Variants in SH3GL2 observed in about 807,000 individuals in gnomAD.
SH3GL2 encodes the protein SH3 domain containing GRB2 like 2, endophilin A1.
Under a neutral mutation model 46.0 loss-of-function variants are expected in SH3GL2, and 24 were observed. The observed-to-expected ratio is 0.52, with a 90% CI of 0.38 to 0.73. SH3GL2 has a LOEUF of 0.73. Among genes scored for constraint, SH3GL2 ranks in the 30% least tolerant of loss-of-function variants. SH3GL2 has a pLI of 0.00. For synonymous variants in SH3GL2, 196 were observed against 147.1 expected, an observed-to-expected ratio of 1.33 and a Z score of -2.40; for missense variants, 413 against 424.2, an observed-to-expected ratio of 0.97 and a Z score of 0.23.
At chr9:17,681,917 A>C (rs970934280) in intron 1 of SH3GL2, among the ~76,000 whole-genome samples, 1 of 152,198 alleles carries the variant, frequency 6.6e-6, no homozygotes. Flanking sequence ...AAAAGAAGAC[A>C]TGTGGCCAAC....
intron 1 of SH3GL2, among the ~76,000 whole-genome samples, chr9:17,738,641 T>TATATATATATATATATAGAG (rs376280314): frequency 4.5e-5 from 4 of 88,882 alleles, no homozygotes; most frequent in South Asian, 4.9e-4. Context: ...TATATATATA[T>TATATATATATATATATAGAG]AGAGAGAGAG....
intron 1 of SH3GL2, among the ~76,000 whole-genome samples, chr9:17,672,606 T>C (rs1271331706): frequency 8.5e-5 from 13 of 152,146 alleles, no homozygotes; most frequent in Admixed American, 8.5e-4. Context: ...AACAGAGCCA[T>C]GGTTTCTCTC....
At chr9:17,655,536 C>T (rs1820053662) in intron 1 of SH3GL2, among the ~76,000 whole-genome samples, 3 of 152,088 alleles carry the variant, frequency 2.0e-5, no homozygotes, top group African/African-American at 4.8e-5. Flanking sequence ...AGTCAGTTTT[C>T]GAAGTGAATT....
At chr9:17,685,986 A>G (rs1159805995) in intron 1 of SH3GL2, among the ~76,000 whole-genome samples, 1 of 146,220 alleles carries the variant, frequency 6.8e-6, no homozygotes, top group African/African-American at 2.6e-5. Context: ...AAAAGAAACT[A>G]CCATCAGAGT....
chr9:17,762,405 A>G (rs1823203170), intron 3 of SH3GL2, among the ~76,000 whole-genome samples: 1 of 151,718 alleles, frequency 6.6e-6, no homozygotes, highest in South Asian at 2.1e-4. Flanking sequence ...TGATCAAAAA[A>G]AAAAAAAAAA....
chr9:17,599,688 G>C (rs182316079), intron 1 of SH3GL2, among the ~76,000 whole-genome samples: 2 of 152,310 alleles, frequency 1.3e-5, no homozygotes, highest in African/African-American at 4.8e-5. Context: ...TTGGGGGACA[G>C]ATTCTAGCCA....
At chr9:17,719,680 C>A (rs1821844820) in intron 1 of SH3GL2, among the ~76,000 whole-genome samples, 1 of 151,410 alleles carries the variant, frequency 6.6e-6, no homozygotes, top group African/African-American at 2.4e-5. Context: ...GTGGTCCTGG[C>A]TATTTGGGAG....
At chr9:17,677,025 A>G (rs1205229544) in intron 1 of SH3GL2, among the ~76,000 whole-genome samples, 3 of 152,152 alleles carry the variant, frequency 2.0e-5, no homozygotes, top group East Asian at 1.9e-4. Context: ...AGAGGAGATC[A>G]TGGCCTGCCC....
At chr9:17,771,849 G>T (rs28649068) in intron 3 of SH3GL2, among the ~76,000 whole-genome samples, 1 of 152,060 alleles carries the variant, frequency 6.6e-6, no homozygotes, top group Non-Finnish European at 1.5e-5. Flanking sequence ...CCATTATTTG[G>T]GTTGAGAGTA....
chr9:17,795,364 A>G (rs1240697926), intron 8 of SH3GL2, among the ~76,000 whole-genome samples, 180 bp from the exon 9 acceptor site: 2 of 152,236 alleles, frequency 1.3e-5, no homozygotes, highest in African/African-American at 2.4e-5. Context: ...GTAGAGGGCA[A>G]GATGCCCAGT....
intron 1 of SH3GL2, among the ~76,000 whole-genome samples, chr9:17,686,544 G>A (rs1378029068): frequency 6.8e-6 from 1 of 147,962 alleles, no homozygotes; most frequent in African/African-American, 2.5e-5. Flanking sequence ...CAACCCAAAT[G>A]TCCAACAATG....
chr9:17,665,759 G>A (rs1382932830), intron 1 of SH3GL2, among the ~76,000 whole-genome samples: 3 of 151,470 alleles, frequency 2.0e-5, no homozygotes, highest in East Asian at 1.9e-4. Context: ...TGGTGTTCAG[G>A]TCTTGGTGCT....
rs1467395213 is a variant in SH3GL2 at position 17,796,850 on chromosome 9, CCTTT to C, written c.*1110_*1113del. The C allele has an allele frequency of 6.6e-6, 1 of 152,550 alleles. No homozygotes were observed. The highest frequency in any genetic ancestry group is 2.4e-5 in the African/African-American group (1 of 41,430). 9.4% of individuals were successfully genotyped at this position (152,550 alleles called of 1,614,324 possible). ...ATTCAGTCGCTACTTTTACTTCTGC[CCTTT>C]CTATCCATCGTCTTCATTTTGTGTG... On this transcript the variant is annotated 3_prime_UTR_variant, in exon 9 of 9. Transcript: ENST00000380607.
chr9:17,681,598 A>T (rs202100370), intron 1 of SH3GL2, among the ~76,000 whole-genome samples: 1 of 151,662 alleles, frequency 6.6e-6, no homozygotes, highest in African/African-American at 2.4e-5. Context: ...ATCATGAAAA[A>T]CCTAGAAGAA....
At chr9:17,753,100 G>A (rs1822894657) in intron 2 of SH3GL2, among the ~76,000 whole-genome samples, 1 of 152,146 alleles carries the variant, frequency 6.6e-6, no homozygotes, top group South Asian at 2.1e-4. Context: ...TCTTTATCCA[G>A]TCTCTCACTG....
At chr9:17,676,316 A>G (rs1014874634) in intron 1 of SH3GL2, among the ~76,000 whole-genome samples, 7 of 152,150 alleles carry the variant, frequency 4.6e-5, no homozygotes, top group African/African-American at 1.2e-4. Flanking sequence ...TGTAAAAAGT[A>G]TATCACAGGC....
rs3837228 is a variant in SH3GL2 at position 17,709,680 on chromosome 9, TACACACACACACACACAC to T, written c.46-37369_46-37352del. Among the ~76,000 whole-genome samples, 3 of 148,276 alleles carry T rather than the reference TACACACACACACACACAC, an allele frequency of 2.0e-5. No individual in the cohort carries two copies. The East Asian group carries it at 6.0e-4, about 29-fold the overall frequency. Reference sequence around the variant, plus strand: ...TATATATAGTTTAACTTATTTGTATTACACACACACACACACACACACACACACACACACGTTTAACCT... The same window carrying T: ...TATATATAGTTTAACTTATTTGTATTACACACACACACACACGTTTAACCT... On this transcript the variant is annotated intron_variant, in intron 1 of 8. Transcript: ENST00000380607.
intron 1 of SH3GL2, among the ~76,000 whole-genome samples, chr9:17,738,619 T>C (rs10963242): frequency 0.94 from 114,648 of 121,366 alleles, 54,374 homozygotes; most frequent in East Asian, 0.99. Flanking sequence ...AATTGCCTCA[T>C]GTGATTTTAT....
At position 17,796,555 on chromosome 9, in the gene SH3GL2, G is replaced by C. The variant is rs1824278162; in HGVS notation, c.*812G>C. On this transcript the variant is annotated 3_prime_UTR_variant, in exon 9 of 9. Transcript: ENST00000380607. ...GGCTATTTCTGAAGGGCACAGGGAAGGGGGAACAAATATCTTCACTTCAGT... is the reference window on the plus strand; with the variant it reads ...GGCTATTTCTGAAGGGCACAGGGAACGGGGAACAAATATCTTCACTTCAGT... 1 of 152,098 alleles carries C rather than the reference G, an allele frequency of 6.6e-6. No homozygotes were observed. Among genetic ancestry groups the C allele is most frequent in the African/African-American group, 2.4e-5 (1 of 41,456 alleles). 9.4% of individuals were successfully genotyped at this position (152,098 alleles called of 1,614,324 possible).
Sources: gnomAD v4.1 joint callset for allele counts (sites outside exome capture counted in the v4.1 genomes callset) on GRCh38, gnomAD v4.1.1 for gene constraint, MANE v1.5 for transcripts, NCBI Gene and HGNC (gene_info 2026-07-23, HGNC 2026-07-21) for gene names.